Variants in MYO1D observed in about 807,000 individuals in gnomAD.
MYO1D encodes the protein myosin ID.
Under a neutral mutation model 122.0 loss-of-function variants are expected in MYO1D, and 83 were observed. That is an observed-to-expected ratio of 0.68 (90% CI 0.57 to 0.82). The LOEUF is 0.82. Among genes scored for constraint, MYO1D ranks in the 40% least tolerant of loss-of-function variants. The pLI, the probability that MYO1D is intolerant of heterozygous loss-of-function variation, is 0.00. For missense variants in MYO1D, 1,157 were observed against 1,269.5 expected (o/e 0.91, Z 1.35); for synonymous variants, 464 against 446.9 (o/e 1.04, Z -0.48).
rs779450199 is a variant in MYO1D, at chr17:32,780,605, C to A, written c.275G>T (p.Arg92Leu). 1.9e-6 allele frequency: 3 copies of A among 1,614,094 alleles called. No individual in the cohort carries two copies. The highest frequency in any genetic ancestry group is 1.3e-5 in the African/African-American group (1 of 75,002). ...ADAAYKAMKR[R>L]SKDTCIVISG... ...TATCACAATACAAGTGTCTTTTGAT[C>A]GCCTCTTCATAGCCTTGTAAGCAGC... Residue 92 changes from arginine to leucine, a missense_variant, in exon 2 of 22, where the codon CGA becomes CTA. Coordinates refer to ENST00000318217, the MANE Select transcript of MYO1D (RefSeq NM_015194.3).
chr17:32,694,784 T>G (rs992120860), intron 16 of MYO1D, among the ~76,000 whole-genome samples: 1 of 150,128 alleles, frequency 6.7e-6, no homozygotes, highest in Non-Finnish European at 1.5e-5. Flanking sequence ...TGCTTGCTGG[T>G]CATCTCTACT....
At chr17:32,673,041 C>T (rs1240325194) in intron 16 of MYO1D, among the ~76,000 whole-genome samples, 1 of 115,186 alleles carries the variant, frequency 8.7e-6, no homozygotes, top group Non-Finnish European at 1.8e-5. Context: ...TTAAGGCTTT[C>T]TTCATTAACT....
intron 21 of MYO1D, among the ~76,000 whole-genome samples, chr17:32,570,141 T>A (rs1393163119): frequency 6.6e-6 from 1 of 152,178 alleles, no homozygotes; most frequent in African/African-American, 2.4e-5. Flanking sequence ...AATCTCTAAG[T>A]TCCTTCCAGC....
intron 21 of MYO1D, among the ~76,000 whole-genome samples, chr17:32,580,134 C>T (rs1182596965): frequency 1.3e-5 from 2 of 151,872 alleles, no homozygotes; most frequent in East Asian, 1.9e-4. Context: ...ATGGACAAAC[C>T]AGTTATCCAA....
chr17:32,756,688 A>G (rs1482092064), intron 10 of MYO1D, among the ~76,000 whole-genome samples: 2 of 152,150 alleles, frequency 1.3e-5, no homozygotes, highest in Non-Finnish European at 2.9e-5. Context: ...TAGAATTTTG[A>G]ACAATTTGAA....
At chr17:32,576,143 A>T (rs2087276728) in intron 21 of MYO1D, among the ~76,000 whole-genome samples, 1 of 152,244 alleles carries the variant, frequency 6.6e-6, no homozygotes, top group Admixed American at 6.5e-5. Flanking sequence ...GAGAAGAAAG[A>T]GGAAGCATGT....
chr17:32,869,927 C>T (rs1034007544), intron 1 of MYO1D, among the ~76,000 whole-genome samples: 9 of 151,660 alleles, frequency 5.9e-5, no homozygotes, highest in African/African-American at 1.9e-4. Context: ...AGTGAGACCT[C>T]GTCTAAAAAA....
chr17:32,700,943 CA>C (rs751113475), intron 16 of MYO1D, among the ~76,000 whole-genome samples: 146 of 78,220 alleles, frequency 1.9e-3, no homozygotes, highest in African/African-American at 4.0e-3. Context: ...GACTCCATCT[CA>C]AAAAAAAAAA....
intron 21 of MYO1D, among the ~76,000 whole-genome samples, chr17:32,580,294 T>A (rs1209868225): frequency 5.0e-5 from 3 of 59,584 alleles, no homozygotes. Flanking sequence ...AGAGGATTTT[T>A]TTTTTTTTTT....
At chr17:32,695,007 T>C (rs866134711) in intron 16 of MYO1D, among the ~76,000 whole-genome samples, 2 of 152,224 alleles carry the variant, frequency 1.3e-5, no homozygotes, top group South Asian at 2.1e-4. Context: ...TTTCATGGTC[T>C]CCTAAATATT....
intron 20 of MYO1D, among the ~76,000 whole-genome samples, chr17:32,628,772 C>T (rs1473454302): frequency 1.3e-5 from 2 of 152,134 alleles, no homozygotes; most frequent in South Asian, 2.1e-4. Flanking sequence ...GTAACAGAAA[C>T]TCATTAATTC....
chr17:32,670,180 G>A (rs1056341841), intron 16 of MYO1D, among the ~76,000 whole-genome samples: 3 of 152,138 alleles, frequency 2.0e-5, no homozygotes, highest in African/African-American at 7.2e-5. Context: ...ACAGGTGTGA[G>A]CCACTGTGCC....
intron 16 of MYO1D, among the ~76,000 whole-genome samples, chr17:32,705,306 C>G (rs1908137): frequency 0.036 from 5,463 of 152,222 alleles, 325 homozygotes; most frequent in African/African-American, 0.12. Context: ...GTCCCCCAGG[C>G]TGGAGTGCAG....
intron 1 of MYO1D, among the ~76,000 whole-genome samples, chr17:32,804,151 T>C (rs1201519811): frequency 6.6e-6 from 1 of 152,212 alleles, no homozygotes; most frequent in Non-Finnish European, 1.5e-5. Flanking sequence ...CACATCCTCC[T>C]GTATACTTTA....
chr17:32,624,288 G>A (rs1720706672), intron 20 of MYO1D, among the ~76,000 whole-genome samples: 2 of 147,260 alleles, frequency 1.4e-5, no homozygotes, highest in Admixed American at 1.4e-4. Flanking sequence ...CTGGGCTCAA[G>A]CGGTCCTCTC....
At chr17:32,722,611 C>T (rs1334861877) in intron 14 of MYO1D, among the ~76,000 whole-genome samples, 1 of 152,176 alleles carries the variant, frequency 6.6e-6, no homozygotes, top group Non-Finnish European at 1.5e-5. Flanking sequence ...AGGATAAGCC[C>T]TTATTTTCAA....
chr17:32,611,854 A>T (rs2087706505), intron 20 of MYO1D, among the ~76,000 whole-genome samples: 1 of 152,126 alleles, frequency 6.6e-6, no homozygotes, highest in East Asian at 1.9e-4. Context: ...CAAAAAGAAA[A>T]CTCTATTAAT....
chr17:32,749,006 G>A lies in MYO1D; in HGVS notation c.1468C>T (p.Leu490Phe). The A allele has an allele frequency of 6.2e-7, 1 of 1,611,386 alleles. No homozygotes were observed. The highest frequency in any genetic ancestry group is 1.1e-5 in the South Asian group (1 of 90,914). ...TCCAGAATTTTGTCTGAGGCACAGAGCTAAGGAATCAAGAAGGATATTATT... is the reference window on the plus strand; with the variant it reads ...TCCAGAATTTTGTCTGAGGCACAGAACTAAGGAATCAAGAAGGATATTATT... ...GKHAHFSSRK[L>F]CASDKILEFD... Residue 490 changes from leucine to phenylalanine, a missense_variant and splice_region_variant, in exon 12 of 22, where the codon CTC becomes TTC. Coordinates refer to ENST00000318217, the MANE Select transcript of MYO1D (RefSeq NM_015194.3).
intron 14 of MYO1D, chr17:32,734,904 T>C (rs1210103999): frequency 6.7e-6 from 1 of 149,184 alleles, no homozygotes; most frequent in African/African-American, 2.5e-5. Context: ...ACCCCATCTG[T>C]ACTAAAAATA....
Sources: allele counts gnomAD v4.1 joint callset (sites outside exome capture counted in the v4.1 genomes callset), GRCh38; gene constraint gnomAD v4.1.1; transcripts MANE v1.5; gene names NCBI Gene and HGNC (gene_info 2026-07-23, HGNC 2026-07-21).